The following SPTB variants were observed in gnomAD, a reference collection of about 807,000 sequenced individuals.
SPTB encodes the protein spectrin beta, erythrocytic, also known as spectrin beta chain, erythrocytic.
In SPTB, 45 loss-of-function variants were observed where a neutral mutation model predicts 256.2. The observed-to-expected ratio is 0.18, with a 90% CI of 0.14 to 0.23. The LOEUF (loss-of-function observed/expected upper bound fraction) is 0.23, where lower values mean the gene tolerates loss of function less well. Among genes scored for constraint, SPTB ranks in the 10% least tolerant of loss-of-function variants. The pLI is 1.00. For synonymous variants in SPTB, 1,231 were observed against 1,243.1 expected (o/e 0.99, Z 0.21); for missense variants, 2,715 against 3,040.4 (o/e 0.89, Z 2.52).
At chr14:64,801,025 T>C (rs1157684864) in intron 7 of SPTB, among the ~76,000 whole-genome samples, 157 bp from the exon 8 acceptor site, 1 of 152,212 alleles carries the variant, frequency 6.6e-6, no homozygotes, top group Admixed American at 6.5e-5. Context: ...AAATCCATTT[T>C]AGAACCACAC....
In SPTB at chr14:64,786,566, G is replaced by A; in HGVS notation, c.3399C>T (p.Asp1133=). 6.2e-7 allele frequency: 1 copy of A among 1,614,180 alleles called. No homozygotes were observed. Among genetic ancestry groups the A allele is most frequent in the Non-Finnish European group, 8.5e-7 (1 of 1,180,022 alleles). ...SGEKVIQGQT[D]PEYLLLGQRL... ...GCTGGCCCAGAAGCAGATACTCTGG[G>A]TCCGTCTGGCCTTGGATCACTTTCT... The change falls in exon 16 of 36, where the codon GAC becomes GAT. Residue 1133 remains aspartate, a synonymous_variant. Transcript: ENST00000644917. This position sits in a 1 kb window ranked among gnomAD's most constrained non-coding sequence, Gnocchi z 5.6.
chr14:64,760,414 AAC>A lies in SPTB; in HGVS notation c.6345+6310_6345+6311del, dbSNP rs1480178423. 2.6e-5 allele frequency among the ~76,000 whole-genome samples: 4 copies of A among 152,150 alleles called. No homozygotes were observed. The highest frequency in any genetic ancestry group is 3.2e-3 in the Middle Eastern group (1 of 316). On this transcript the variant is annotated intron_variant, in intron 32 of 35. Transcript: ENST00000644917. This position sits in a 1 kb window ranked among gnomAD's most constrained non-coding sequence, Gnocchi z 4.3. ...ACAAACTCCTCAGGCTCCCAGGAGA[AAC>A]ACAACCTGGCTCCGGACCACAGGGT...
intron 1 of SPTB, among the ~76,000 whole-genome samples, chr14:64,854,555 G>A (rs377472547): frequency 3.1e-4 from 47 of 152,146 alleles, no homozygotes; most frequent in African/African-American, 1.1e-3. Flanking sequence ...TGGGATTACA[G>A]GTGTGAGCCA....
chr14:64,851,460 CAGTAGT>C (rs576232036), intron 1 of SPTB, among the ~76,000 whole-genome samples: 1 of 151,576 alleles, frequency 6.6e-6, no homozygotes, highest in Non-Finnish European at 1.5e-5. Context: ...GTAGCAGTAG[CAGTAGT>C]AGTAGTAGTA....
At chr14:64,819,916 C>T (rs117654028) in intron 2 of SPTB, among the ~76,000 whole-genome samples, 3 of 152,168 alleles carry the variant, frequency 2.0e-5, no homozygotes, top group African/African-American at 7.2e-5. Context: ...CTCTTCACAA[C>T]AACCTTGAGA....
At chr14:64,801,963 G>T in intron 5 of SPTB, 129 bp from the exon 6 acceptor site, 1 of 973,276 alleles carries the variant, frequency 1.0e-6, no homozygotes, top group Non-Finnish European at 1.6e-6. Context: ...TCACCAAGAG[G>T]GGGCAGCAGC....
intron 1 of SPTB, among the ~76,000 whole-genome samples, chr14:64,840,838 C>T (rs1319965540): frequency 2.6e-5 from 4 of 152,208 alleles, no homozygotes; most frequent in African/African-American, 7.2e-5. Context: ...GTGGATAGGG[C>T]CTGTACGACT....
rs185884007 is a variant in SPTB at position 64,873,579 on chromosome 14, G to T, written c.-52+6213C>A. On this transcript the variant is annotated intron_variant, in intron 1 of 35. Transcript: ENST00000644917. This position sits in a 1 kb window ranked among gnomAD's most constrained non-coding sequence, Gnocchi z 4.3. Reference sequence around the variant, plus strand: ...GAACAGCATCTGTGCATACTCTGGAGGGCCATTCTTGAGGTTCTGTGGCTA... The same window carrying T: ...GAACAGCATCTGTGCATACTCTGGATGGCCATTCTTGAGGTTCTGTGGCTA... 6.6e-6 allele frequency among the ~76,000 whole-genome samples: 1 copy of T among 152,282 alleles called. No homozygotes were observed. The highest frequency in any genetic ancestry group is 2.4e-5 in the African/African-American group (1 of 41,552).
rs2139780429 is a variant in SPTB at position 64,853,323 on chromosome 14, C to T, written c.-52+26469G>A. On this transcript the variant is annotated intron_variant, in intron 1 of 35. Transcript: ENST00000644917. This position sits in a 1 kb window ranked among gnomAD's most constrained non-coding sequence, Gnocchi z 4.3. ...GTCCCCAAAGAGGGTTTAGGCTGCC[C>T]AGAATAGGAGCTGAGGGTGAACCCT... 2.0e-5 allele frequency among the ~76,000 whole-genome samples: 3 copies of T among 152,274 alleles called. No individual in the cohort carries two copies. In the Middle Eastern group the frequency reaches 0.01, roughly 518 times the overall value.
At chr14:64,814,830 G>A (rs2083159038) in intron 2 of SPTB, among the ~76,000 whole-genome samples, 2 of 152,220 alleles carry the variant, frequency 1.3e-5, no homozygotes, top group Non-Finnish European at 2.9e-5. Context: ...AGATAAAATA[G>A]GATCTTTATA....
rs2082291533 is a variant in SPTB, at chr14:64,772,493, A to G, written c.5553+87T>C. 1.2e-5 allele frequency: 18 copies of G among 1,554,772 alleles called. No homozygotes were observed. In the South Asian group the frequency reaches 1.5e-4, roughly 13 times the overall value. ...CAAAACCTCCTGGCACTTATCCTAG[A>G]GGTTTTCCTGCTGACAGCCAGGTGG... On this transcript the variant is annotated intron_variant, in intron 26 of 35. Transcript: ENST00000644917. This position sits in a 1 kb window ranked among gnomAD's most constrained non-coding sequence, Gnocchi z 5.4.
intron 1 of SPTB, among the ~76,000 whole-genome samples, chr14:64,861,070 G>C (rs2083959645): frequency 1.3e-5 from 2 of 152,174 alleles, no homozygotes; most frequent in Admixed American, 6.5e-5. Context: ...GAAGCTGGAA[G>C]CCATTATCCT....
chr14:64,798,029 C>T (rs138127406), intron 9 of SPTB, among the ~76,000 whole-genome samples, 183 bp from the exon 10 acceptor site: 1 of 152,328 alleles, frequency 6.6e-6, no homozygotes, highest in African/African-American at 2.4e-5. Context: ...CTATCCTTTT[C>T]ACCAACTGAG....
chr14:64,801,733 C>A, intron 6 of SPTB, 21 bp downstream of exon 6: 1 of 1,610,874 alleles, frequency 6.2e-7, no homozygotes. Context: ...TCAGTCCCCA[C>A]GGCTGTCCCC....
chr14:64,794,112 C>T (rs565801623), intron 13 of SPTB, among the ~76,000 whole-genome samples: 1 of 152,012 alleles, frequency 6.6e-6, no homozygotes, highest in Non-Finnish European at 1.5e-5. Context: ...AAATGTACAA[C>T]ATAAAATTAT....
At chr14:64,768,920 G>A (rs557879818) in intron 29 of SPTB, 114 bp downstream of exon 29, 1 of 887,290 alleles carries the variant, frequency 1.1e-6, no homozygotes, top group Non-Finnish European at 1.9e-6. Context: ...GCAGTGCTGT[G>A]GGGGGCTCCT....
chr14:64,799,071 A>G (rs976682624), intron 9 of SPTB, among the ~76,000 whole-genome samples: 5 of 152,138 alleles, frequency 3.3e-5, no homozygotes, highest in African/African-American at 9.7e-5. Flanking sequence ...ACATAAATGC[A>G]TGTATAGTTA....
chr14:64,769,034 A>T lies in SPTB; in HGVS notation c.6022T>A (p.Leu2008Met). The change falls in exon 29 of 36, where the codon TTG becomes ATG. Residue 2008 changes from leucine to methionine, a missense_variant and splice_region_variant. Leu to Met is a conservative substitution (Grantham distance 15). Around this residue, in one of 4 missense-constraint regions of SPTB, gnomAD observed 2,239 missense variants for 2,384.4 expected, o/e 0.94. Transcript: ENST00000644917. ...GCCCTGGCTCCAGGGCTGTACTCACACATGCGGAGCCGCTCCCAGCGGGCT... is the reference window on the plus strand; with the variant it reads ...GCCCTGGCTCCAGGGCTGTACTCACTCATGCGGAGCCGCTCCCAGCGGGCT... ...WEARWERLRM[L>M]LEVCQFSRDA... 1 of 1,612,626 alleles carries T rather than the reference A, an allele frequency of 6.2e-7. No homozygotes were observed. The highest frequency in any genetic ancestry group is 8.5e-7 in the Non-Finnish European group (1 of 1,179,736).
At chr14:64,819,981 T>C (rs1401805763) in intron 2 of SPTB, among the ~76,000 whole-genome samples, 3 of 152,214 alleles carry the variant, frequency 2.0e-5, no homozygotes, top group African/African-American at 4.8e-5. Context: ...GATCCTCCAC[T>C]GCGGTGGCAT....
Sources: gnomAD v4.1 joint callset for allele counts (sites outside exome capture counted in the v4.1 genomes callset) on GRCh38, gnomAD v4.1.1 for gene constraint, gnomAD v4.1.1 regional missense constraint, Gnocchi (gnomAD v3.1) non-coding constraint, MANE v1.5 for transcripts, NCBI Gene and HGNC (gene_info 2026-07-23, HGNC 2026-07-21) for gene names.